Variants in KIF13B observed in about 807,000 individuals in gnomAD.
KIF13B encodes the protein kinesin-like protein KIF13B.
In KIF13B, 127 loss-of-function variants were observed where a neutral mutation model predicts 222.0. The observed-to-expected ratio is 0.57, with a 90% CI of 0.50 to 0.66. KIF13B has a LOEUF of 0.66. Ranked by LOEUF, KIF13B falls within the 30% of genes least tolerant of loss-of-function variation. The pLI is 0.00. For missense variants in KIF13B, 2,173 were observed against 2,379.0 expected, an observed-to-expected ratio of 0.91 and a Z score of 1.80; for synonymous variants, 976 against 919.0, an observed-to-expected ratio of 1.06 and a Z score of -1.12.
At chr8:29,169,930 C>T (rs748147130) in intron 10 of KIF13B, among the ~76,000 whole-genome samples, 4 of 152,182 alleles carry the variant, frequency 2.6e-5, no homozygotes, top group Admixed American at 6.5e-5. Context: ...GGATTTGTAA[C>T]GATAACTACC....
chr8:29,151,620 G>A (rs1229485984), intron 14 of KIF13B, among the ~76,000 whole-genome samples: 1 of 152,202 alleles, frequency 6.6e-6, no homozygotes, highest in Non-Finnish European at 1.5e-5. Flanking sequence ...ATGGAACAAA[G>A]CCTGGATGAC....
chr8:29,148,810 C>T (rs372135986), intron 15 of KIF13B, 43 bp from the exon 16 acceptor site: 35 of 1,484,440 alleles, frequency 2.4e-5, no homozygotes, highest in Non-Finnish European at 3.2e-5. Flanking sequence ...TTAAGATAGG[C>T]ACTTATTCAT....
chr8:29,089,569 CAT>C (rs886823957), intron 37 of KIF13B, among the ~76,000 whole-genome samples: 9 of 152,078 alleles, frequency 5.9e-5, no homozygotes, highest in African/African-American at 2.2e-4. Flanking sequence ...AATTGATAAA[CAT>C]ATAAACCAAA....
intron 2 of KIF13B, among the ~76,000 whole-genome samples, chr8:29,197,625 G>A (rs917156505): frequency 6.6e-6 from 1 of 152,070 alleles, no homozygotes; most frequent in Non-Finnish European, 1.5e-5. Context: ...CCAAAACACA[G>A]AAAACAGTCA....
At chr8:29,165,627 A>T (rs1811958558) in intron 12 of KIF13B, 35 bp downstream of exon 12, 1 of 1,363,402 alleles carries the variant, frequency 7.3e-7, no homozygotes, top group East Asian at 2.3e-5. Context: ...AACTGCCATG[A>T]GGTTTCATGC....
chr8:29,250,127 C>A, intron 1 of KIF13B: 1 of 1,017,264 alleles, frequency 9.8e-7, no homozygotes, highest in Non-Finnish European at 1.3e-6. Flanking sequence ...CGGAAATCTA[C>A]TGTGACTCAC....
At chr8:29,122,489 A>AG (rs962754372) in intron 29 of KIF13B, 102 bp downstream of exon 29, 2 of 893,444 alleles carry the variant, frequency 2.2e-6, no homozygotes, top group African/African-American at 3.3e-5. Flanking sequence ...CTCTAGCCTT[A>AG]GGGGGACAGA....
At position 29,099,241 on chromosome 8, in the gene KIF13B, C is replaced by T. The variant is rs1230098851; in HGVS notation, c.4216G>A (p.Gly1406Ser). The change falls in exon 36 of 40, where the codon GGC becomes AGC. Residue 1406 changes from glycine to serine, a missense_variant and splice_region_variant. Coordinates refer to ENST00000524189, the MANE Select transcript of KIF13B (RefSeq NM_015254.4). Reference sequence around the variant, plus strand: ...ACATCCTGCTGACTTTCCCACCGGCCCTAGTAAAGACAAAATTGGCAATTT... The same window carrying T: ...ACATCCTGCTGACTTTCCCACCGGCTCTAGTAAAGACAAAATTGGCAATTT... ...IPSYSLGSNK[G>S]RWESQQDVSQ... 1.3e-6 allele frequency: 2 copies of T among 1,592,652 alleles called. No homozygotes were observed. Among genetic ancestry groups the T allele is most frequent in the Admixed American group, 1.8e-5 (1 of 55,072 alleles).
chr8:29,166,912 G>A lies in KIF13B; in HGVS notation c.1158+461C>T, dbSNP rs181633860. Among the ~76,000 whole-genome samples the A allele has an allele frequency of 2.1e-4, 32 of 152,192 alleles. No homozygotes were observed. The East Asian group carries it at 2.3e-3, about 11-fold the overall frequency. On this transcript the variant is annotated intron_variant, in intron 11 of 39. Transcript: ENST00000524189. Reference sequence around the variant, plus strand: ...CTACTACAAAATATTTTCTACAAACGTAATTAATCCACAACATGGAAAAGC... The same window carrying A: ...CTACTACAAAATATTTTCTACAAACATAATTAATCCACAACATGGAAAAGC...
intron 10 of KIF13B, among the ~76,000 whole-genome samples, chr8:29,171,645 A>G (rs574345892): frequency 1.4e-4 from 22 of 151,788 alleles, no homozygotes; most frequent in African/African-American, 5.3e-4. Context: ...GAGCTCTGGG[A>G]AAACTGCTTA....
At chr8:29,206,750 T>TA (rs1461229784) in intron 2 of KIF13B, among the ~76,000 whole-genome samples, 2 of 152,082 alleles carry the variant, frequency 1.3e-5, no homozygotes, top group Non-Finnish European at 2.9e-5. Flanking sequence ...CTTAAATTAT[T>TA]AAAAATAGAA....
chr8:29,132,497 A>C, intron 22 of KIF13B, 32 bp from the exon 23 acceptor site: 1 of 1,383,838 alleles, frequency 7.2e-7, no homozygotes, highest in South Asian at 1.8e-5. Context: ...CAGAAGAGCA[A>C]ACTCTTTCTG....
chr8:29,087,889 G>A (rs182685284), intron 37 of KIF13B, among the ~76,000 whole-genome samples: 218 of 151,672 alleles, frequency 1.4e-3, no homozygotes, highest in African/African-American at 5.0e-3. Flanking sequence ...GCAACAGAGC[G>A]AGACCTTGTC....
intron 38 of KIF13B, among the ~76,000 whole-genome samples, chr8:29,074,852 TAA>T (rs1285666775): frequency 6.6e-6 from 1 of 152,240 alleles, no homozygotes; most frequent in East Asian, 1.9e-4. Context: ...TTGCTATTCA[TAA>T]GATTAGAAGT....
chr8:29,147,706 C>G lies in KIF13B; in HGVS notation c.1814-104G>C, dbSNP rs1462749632. 9.7e-6 allele frequency: 8 copies of G among 822,366 alleles called. No individual in the cohort carries two copies. In the Admixed American group the frequency reaches 2.0e-4, roughly 20 times the overall value. The allele number at this position is 822,366 out of a possible 1,614,324, so 50.9% of individuals were successfully genotyped here. ...TTGTCTGTCATCTTAACTATACCAC[C>G]TAATACTTTAAAGACAATTTGGCAT... On this transcript the variant is annotated intron_variant, in intron 16 of 39. Coordinates refer to ENST00000524189, the MANE Select transcript of KIF13B (RefSeq NM_015254.4).
rs374209248 is a variant in KIF13B, at chr8:29,075,309, G to T, written c.4493C>A (p.Pro1498Gln). Residue 1498 changes from proline (P) to glutamine (Q), a missense_variant, in exon 38 of 40, where the codon CCG becomes CAG. By Grantham distance (76) the Pro-to-Gln change is moderately conservative. This residue lies in a region of KIF13B where 693 missense variants were observed against 656.2 expected (regional missense o/e 1.06). Coordinates refer to ENST00000524189, the MANE Select transcript of KIF13B (RefSeq NM_015254.4). ...VPRIMVQSASPDIRVTRMEEA... is the reference protein window; with the variant it reads ...VPRIMVQSASQDIRVTRMEEA... The stretch of plus-strand genomic sequence containing the variant: ...CTCCATCCTGGTCACCCTGATGTCC[G>T]GGCTGGCTGACTGCACCATGATGCG... 3 of 1,558,922 alleles carry T rather than the reference G, an allele frequency of 1.9e-6. No individual in the cohort carries two copies. Among genetic ancestry groups the T allele is most frequent in the Middle Eastern group, 1.7e-4 (1 of 5,928 alleles).
chr8:29,246,197 T>C (rs1056519923), intron 1 of KIF13B, among the ~76,000 whole-genome samples: 2 of 151,978 alleles, frequency 1.3e-5, no homozygotes, highest in African/African-American at 2.4e-5. Context: ...CTGGCCAACA[T>C]GAAACCCTGT....
intron 2 of KIF13B, among the ~76,000 whole-genome samples, chr8:29,212,525 T>C (rs1814277150): frequency 6.6e-6 from 1 of 152,174 alleles, no homozygotes. Context: ...ATGGAGTTTC[T>C]CTCCACATTA....
At chr8:29,224,298 C>CG (rs1448155673) in intron 2 of KIF13B, among the ~76,000 whole-genome samples, 1 of 152,156 alleles carries the variant, frequency 6.6e-6, no homozygotes, top group Non-Finnish European at 1.5e-5. Flanking sequence ...CCACCGCGCC[C>CG]GGCCTCAGTT....
Sources: allele counts gnomAD v4.1 joint callset (sites outside exome capture counted in the v4.1 genomes callset), GRCh38; gene constraint gnomAD v4.1.1; regional missense constraint gnomAD v4.1.1; transcripts MANE v1.5; gene names NCBI Gene and HGNC (gene_info 2026-07-23, HGNC 2026-07-21).